RIMS2: variants seen among roughly 807,000 people sequenced by gnomAD.
The protein encoded by RIMS2 is regulating synaptic membrane exocytosis protein 2.
A neutral mutation model predicts 174.4 loss-of-function variants in RIMS2; 59 were observed. The ratio of observed to expected loss-of-function variants is 0.34; its 90% CI spans 0.27 to 0.42. The LOEUF (loss-of-function observed/expected upper bound fraction) is 0.42, where lower values mean the gene tolerates loss of function less well. Among genes scored for constraint, RIMS2 ranks in the 10% least tolerant of loss-of-function variants. The pLI is 1.00. For synonymous variants in RIMS2, 606 were observed against 572.5 expected (o/e 1.06, Z -0.84); for missense variants, 1,620 against 1,666.3 (o/e 0.97, Z 0.48).
At chr8:104,017,596 G>A (rs985903444) in intron 19 of RIMS2, among the ~76,000 whole-genome samples, 1 of 146,886 alleles carries the variant, frequency 6.8e-6, no homozygotes, top group East Asian at 1.9e-4. Context: ...ACTTTTTTTA[G>A]TAATAGACCA....
intron 4 of RIMS2, among the ~76,000 whole-genome samples, chr8:103,906,418 G>A (rs980301322): frequency 3.3e-5 from 5 of 151,938 alleles, no homozygotes; most frequent in Admixed American, 1.3e-4. Flanking sequence ...GCTAGTTTTC[G>A]TATTTTTATT....
intron 3 of RIMS2, among the ~76,000 whole-genome samples, chr8:103,766,962 G>A (rs2098180022): frequency 6.6e-6 from 1 of 152,142 alleles, no homozygotes; most frequent in African/African-American, 2.4e-5. Context: ...TTGGGCTGAA[G>A]GATGATGTGG....
chr8:104,181,493 T>C (rs2098939349), intron 19 of RIMS2, among the ~76,000 whole-genome samples: 1 of 151,624 alleles, frequency 6.6e-6, no homozygotes. Flanking sequence ...TGTAATTTCA[T>C]ATTATGTATC....
chr8:104,015,679 G>A (rs1213627474), intron 19 of RIMS2, among the ~76,000 whole-genome samples: 2 of 151,982 alleles, frequency 1.3e-5, no homozygotes, highest in Admixed American at 6.6e-5. Flanking sequence ...AATGCAAAGA[G>A]TTTAAATTCT....
At chr8:103,671,193 GA>G (rs148255951) in intron 1 of RIMS2, among the ~76,000 whole-genome samples, 18,863 of 152,064 alleles carry the variant, frequency 0.12, 1,264 homozygotes, top group Middle Eastern at 0.22. Context: ...CAATATGGGG[GA>G]AACCGCCCTC....
intron 17 of RIMS2, among the ~76,000 whole-genome samples, chr8:104,010,289 C>A (rs2095715809): frequency 6.6e-6 from 1 of 152,092 alleles, no homozygotes; most frequent in African/African-American, 2.4e-5. Flanking sequence ...GACAACTTTG[C>A]TGGATGATTA....
intron 19 of RIMS2, among the ~76,000 whole-genome samples, chr8:104,099,586 C>T (rs74926763): frequency 0.013 from 2,012 of 152,216 alleles, 23 homozygotes; most frequent in Middle Eastern, 0.11. Flanking sequence ...GCTATTCCTC[C>T]TCTCTTTTGG....
At chr8:103,605,669 A>T (rs1163151250) in intron 1 of RIMS2, among the ~76,000 whole-genome samples, 2 of 152,182 alleles carry the variant, frequency 1.3e-5, no homozygotes, top group African/African-American at 4.8e-5. Context: ...GTATTGCCAC[A>T]ATTTCTGATC....
intron 3 of RIMS2, among the ~76,000 whole-genome samples, chr8:103,856,614 T>A (rs2099029055): frequency 1.3e-5 from 2 of 152,206 alleles, no homozygotes; most frequent in Non-Finnish European, 2.9e-5. Flanking sequence ...CCTTTCATAG[T>A]TTATGCACAT....
chr8:103,559,056 C>CTTTTTTTTTTGTTTTTTTTTTTTTTTTTT (rs2091097491), intron 1 of RIMS2: 1 of 99,054 alleles, frequency 1.0e-5, no homozygotes, highest in Non-Finnish European at 1.9e-5. Flanking sequence ...TATTTTTTAA[C>CTTTTTTTTTTGTTTTTTTTTTTTTTTTTT]TTTTTTTTTT....
At chr8:103,537,897 T>C (rs1472624472) in intron 1 of RIMS2, among the ~76,000 whole-genome samples, 1 of 152,118 alleles carries the variant, frequency 6.6e-6, no homozygotes, top group African/African-American at 2.4e-5. Context: ...TATACAGTAA[T>C]CCTGTGCCTC....
chr8:103,967,957 T>C (rs2092331957), intron 15 of RIMS2, among the ~76,000 whole-genome samples: 1 of 148,878 alleles, frequency 6.7e-6, no homozygotes, highest in South Asian at 2.1e-4. Flanking sequence ...ACCTCCTGGG[T>C]TCAAGCAATT....
At chr8:103,618,869 C>T (rs751291633) in intron 1 of RIMS2, among the ~76,000 whole-genome samples, 7 of 152,196 alleles carry the variant, frequency 4.6e-5, no homozygotes, top group African/African-American at 1.4e-4. Context: ...TATTTTCACT[C>T]GTGGTTGCTA....
chr8:103,523,871 T>C (rs1407966248), intron 1 of RIMS2, among the ~76,000 whole-genome samples: 1 of 152,180 alleles, frequency 6.6e-6, no homozygotes, highest in Non-Finnish European at 1.5e-5. Flanking sequence ...GGGATAGTGC[T>C]GCTACATTTG....
chr8:103,754,844 C>T (rs1184113865), intron 2 of RIMS2, among the ~76,000 whole-genome samples: 2 of 152,104 alleles, frequency 1.3e-5, no homozygotes, highest in Non-Finnish European at 2.9e-5. Flanking sequence ...AGATGGGTCT[C>T]CTGAATACAG....
At chr8:104,217,253 G>A (rs2099134228) in intron 19 of RIMS2, among the ~76,000 whole-genome samples, 1 of 141,946 alleles carries the variant, frequency 7.0e-6, no homozygotes, top group Non-Finnish European at 1.5e-5. Flanking sequence ...CTCATACTGT[G>A]AATATCTTGT....
chr8:103,889,668 A>G (rs1392061520), intron 4 of RIMS2, among the ~76,000 whole-genome samples: 2 of 151,532 alleles, frequency 1.3e-5, no homozygotes, highest in Non-Finnish European at 3.0e-5. Context: ...CCTTTTGGAT[A>G]TTCTGTTTCT....
intron 2 of RIMS2, among the ~76,000 whole-genome samples, chr8:103,699,008 G>C (rs1003581168): frequency 7.2e-5 from 11 of 152,158 alleles, no homozygotes; most frequent in African/African-American, 2.7e-4. Flanking sequence ...AGGTTTTTAA[G>C]TAAGGTTTGT....
At position 104,223,304 on chromosome 8, in the gene RIMS2, G is replaced by A. The variant is rs935771955; in HGVS notation, c.3335-21612G>A. The A allele has an allele frequency of 4.4e-6, 4 of 914,788 alleles. No individual in the cohort carries two copies. In the East Asian group the frequency reaches 3.3e-4, roughly 75 times the overall value. The allele number at this position is 914,788 out of a possible 1,614,324, so 56.7% of individuals were successfully genotyped here. A position where few individuals can be genotyped will look rare whatever the true frequency, so the allele number is the denominator to read the frequency against. On this transcript the variant is annotated intron_variant, in intron 19 of 23. Coordinates refer to ENST00000504942, the Ensembl canonical transcript of RIMS2. ...GATTGGCGGGGACCGCAGCATCAGC[G>A]GCATCTCCCTGCGCGGGGAGGGCAG...
Sources: gnomAD v4.1 joint callset for allele counts (sites outside exome capture counted in the v4.1 genomes callset) on GRCh38, gnomAD v4.1.1 for gene constraint, MANE v1.5 for transcripts, NCBI Gene and HGNC (gene_info 2026-07-23, HGNC 2026-07-21) for gene names.